The following DYM variants were observed in gnomAD, a reference collection of about 807,000 sequenced individuals.
DYM encodes dyggve-Melchior-Clausen syndrome protein.
DYM carries 78 observed loss-of-function variants against 93.1 expected under a neutral mutation model. The ratio of observed to expected loss-of-function variants is 0.84; its 90% CI spans 0.70 to 1.01. DYM has a LOEUF of 1.01. Among genes scored for constraint, DYM ranks in the 50% least tolerant of loss-of-function variants. The pLI is 0.00. For synonymous variants in DYM, 321 were observed against 319.7 expected (o/e 1.00, Z -0.04); for missense variants, 789 against 845.0 (o/e 0.93, Z 0.82).
chr18:49,250,600 G>A lies in DYM; in HGVS notation c.1460+6410C>T, dbSNP rs116000604. ...GGAATATGAAACAACTATGTTAGCA[G>A]CAGCTTGGTCCAAACAAAAGGCCTA... On this transcript the variant is annotated intron_variant, in intron 13 of 17. Coordinates refer to ENST00000675505, the MANE Select transcript of DYM (RefSeq NM_001353214.3). 3.1e-3 allele frequency among the ~76,000 whole-genome samples: 476 copies of A among 152,312 alleles called. 4 individuals are homozygous for A. Among genetic ancestry groups the A allele is most frequent in the African/African-American group, 0.011 (442 of 41,560 alleles).
At chr18:49,302,676 T>A (rs146513057) in intron 8 of DYM, among the ~76,000 whole-genome samples, 51 of 152,234 alleles carry the variant, frequency 3.4e-4, no homozygotes, top group Non-Finnish European at 5.6e-4. Flanking sequence ...TATTTAATGA[T>A]GATCCACACA....
At chr18:49,187,994 T>C (rs191735802) in intron 14 of DYM, among the ~76,000 whole-genome samples, 51 of 152,378 alleles carry the variant, frequency 3.3e-4, no homozygotes, top group African/African-American at 1.1e-3. Flanking sequence ...TGATTCTTTT[T>C]CATTCTTGAA....
At chr18:49,432,673 G>A (rs558160448) in intron 1 of DYM, among the ~76,000 whole-genome samples, 6 of 148,112 alleles carry the variant, frequency 4.1e-5, no homozygotes, top group Admixed American at 6.8e-5. Context: ...GTACAGTGGC[G>A]TGATTATAGC....
At position 49,041,694 on chromosome 18, in the gene DYM, G is replaced by A. The variant is rs1027661411; in HGVS notation, c.*2361C>T. 3 of 152,278 alleles carry A rather than the reference G, an allele frequency of 2.0e-5. No individual in the cohort carries two copies. The highest frequency in any genetic ancestry group is 7.2e-5 in the African/African-American group (3 of 41,464). 9.4% of individuals were successfully genotyped at this position (152,278 alleles called of 1,614,324 possible). A position where few individuals can be genotyped will look rare whatever the true frequency, so the allele number is the denominator to read the frequency against. Reference sequence around the variant, plus strand: ...AGTGCTTCTACTGTGTGATGAATGAGAAAAGGGAAAGAGGGGAGGGCAATC... The same window carrying A: ...AGTGCTTCTACTGTGTGATGAATGAAAAAAGGGAAAGAGGGGAGGGCAATC... On this transcript the variant is annotated 3_prime_UTR_variant, in exon 18 of 18. Coordinates refer to ENST00000675505, the MANE Select transcript of DYM (RefSeq NM_001353214.3).
At chr18:49,111,191 C>CTT (rs993469876) in intron 16 of DYM, among the ~76,000 whole-genome samples, 39 of 149,756 alleles carry the variant, frequency 2.6e-4, no homozygotes, top group African/African-American at 9.1e-4. Flanking sequence ...ACATATTCTT[C>CTT]TTTTTTTTTT....
chr18:49,398,524 C>G (rs143915893), intron 2 of DYM, among the ~76,000 whole-genome samples: 1 of 152,132 alleles, frequency 6.6e-6, no homozygotes, highest in Non-Finnish European at 1.5e-5. Flanking sequence ...CACCCTCTAC[C>G]GACAGAGTGG....
At chr18:49,370,170 T>C (rs2066879145) in intron 5 of DYM, among the ~76,000 whole-genome samples, 2 of 150,576 alleles carry the variant, frequency 1.3e-5, no homozygotes, top group Non-Finnish European at 3.0e-5. Flanking sequence ...CCTAGCTACT[T>C]GGGAGGCTGA....
intron 8 of DYM, among the ~76,000 whole-genome samples, chr18:49,315,246 T>A (rs991925273): frequency 1.3e-5 from 2 of 152,032 alleles, no homozygotes; most frequent in African/African-American, 4.8e-5. Flanking sequence ...AAAGATTGCT[T>A]ATTTCTTTAA....
chr18:49,241,311 T>C (rs1252399910), intron 13 of DYM, among the ~76,000 whole-genome samples: 1 of 152,228 alleles, frequency 6.6e-6, no homozygotes, highest in Non-Finnish European at 1.5e-5. Context: ...AAAGAACATT[T>C]CTACGCTAGG....
intron 11 of DYM, among the ~76,000 whole-genome samples, chr18:49,266,030 C>T (rs1298092699): frequency 1.3e-5 from 2 of 151,660 alleles, no homozygotes; most frequent in Admixed American, 6.6e-5. Context: ...TGTGGTGGTA[C>T]TTGCTTGTAA....
chr18:49,143,484 C>T (rs572674375), intron 15 of DYM, among the ~76,000 whole-genome samples: 46 of 152,112 alleles, frequency 3.0e-4, no homozygotes, highest in African/African-American at 1.1e-3. Context: ...TAAGTACTTT[C>T]GATGCAGTAT....
intron 1 of DYM, among the ~76,000 whole-genome samples, chr18:49,433,300 C>T (rs543254424): frequency 1.3e-5 from 2 of 152,234 alleles, no homozygotes; most frequent in South Asian, 2.1e-4. Flanking sequence ...TAAATAATTT[C>T]GTATAGACTA....
Position 49,118,887 on chromosome 18 carries a change from T to A in DYM, c.1768A>T (p.Met590Leu), listed in dbSNP as rs1243110552. The A allele has an allele frequency of 6.2e-7, 1 of 1,614,082 alleles. No individual in the cohort carries two copies. The highest frequency in any genetic ancestry group is 1.7e-5 in the Admixed American group (1 of 60,018). Residue 590 changes from methionine (M) to leucine (L), a missense_variant, in exon 16 of 18, where the codon ATG becomes TTG. Around this residue, in one of 3 missense-constraint regions of DYM, gnomAD observed 225 missense variants for 303.0 expected, o/e 0.74. Transcript: ENST00000675505. ...LNVIEEVIRMMLEIINSCLTN... is the reference protein window; with the variant it reads ...LNVIEEVIRMLLEIINSCLTN... ...AGGCAGGAGTTGATGATCTCTAACATCATTCGAATCACTTCTTCAATGACA... is the reference window on the plus strand; with the variant it reads ...AGGCAGGAGTTGATGATCTCTAACAACATTCGAATCACTTCTTCAATGACA...
intron 13 of DYM, among the ~76,000 whole-genome samples, chr18:49,229,581 G>T (rs1284161131): frequency 6.6e-6 from 1 of 152,064 alleles, no homozygotes; most frequent in Non-Finnish European, 1.5e-5. Flanking sequence ...GAGCACCACA[G>T]AACTATTAAA....
At chr18:49,330,636 C>G (rs1031888479) in intron 8 of DYM, among the ~76,000 whole-genome samples, 1 of 151,926 alleles carries the variant, frequency 6.6e-6, no homozygotes, top group African/African-American at 2.4e-5. Context: ...TCTCTGCCAC[C>G]CCAAAAAAAC....
At chr18:49,176,680 G>A (rs1271685718) in intron 14 of DYM, among the ~76,000 whole-genome samples, 1 of 150,326 alleles carries the variant, frequency 6.7e-6, no homozygotes, top group African/African-American at 2.5e-5. Context: ...CTCCCAAAGT[G>A]CTGGGATTAT....
At chr18:49,319,979 A>G (rs553954003) in intron 8 of DYM, among the ~76,000 whole-genome samples, 1 of 152,292 alleles carries the variant, frequency 6.6e-6, no homozygotes, top group South Asian at 2.1e-4. Context: ...AAGATTATGA[A>G]CAAGTACAAG....
At chr18:49,130,583 T>A (rs932264336) in intron 15 of DYM, among the ~76,000 whole-genome samples, 2 of 148,258 alleles carry the variant, frequency 1.3e-5, no homozygotes, top group Admixed American at 6.8e-5. Context: ...ATTTTTTTTT[T>A]ATATGAGAAG....
intron 10 of DYM, among the ~76,000 whole-genome samples, chr18:49,280,381 G>C (rs550211342): frequency 3.3e-4 from 51 of 152,334 alleles, no homozygotes; most frequent in African/African-American, 1.2e-3. Context: ...GCCAGAGTGG[G>C]TGGGATATTT....
Sources: gnomAD v4.1 joint callset for allele counts (sites outside exome capture counted in the v4.1 genomes callset) on GRCh38, gnomAD v4.1.1 for gene constraint, gnomAD v4.1.1 regional missense constraint, MANE v1.5 for transcripts, NCBI Gene and HGNC (gene_info 2026-07-23, HGNC 2026-07-21) for gene names.